The following NAA35 variants were observed in gnomAD, a reference collection of about 807,000 sequenced individuals.
NAA35 encodes MAK10 homolog, amino-acid N-acetyltransferase subunit.
Under a neutral mutation model 101.7 loss-of-function variants are expected in NAA35, and 18 were observed. The observed-to-expected ratio is 0.18, with a 90% CI of 0.12 to 0.26. The LOEUF is 0.26. Among genes scored for constraint, NAA35 ranks in the 10% least tolerant of loss-of-function variants. NAA35 has a pLI of 1.00. For synonymous variants in NAA35, 267 were observed against 273.1 expected (o/e 0.98, Z 0.22); for missense variants, 601 against 886.8 (o/e 0.68, Z 4.09).
At chr9:85,986,847 T>G (rs1830670551) in intron 11 of NAA35, 1 of 206,598 alleles carries the variant, frequency 4.8e-6, no homozygotes, top group African/African-American at 2.4e-5. Flanking sequence ...CTCCTTGGCC[T>G]TCCAAAGTGC....
intron 17 of NAA35, among the ~76,000 whole-genome samples, chr9:86,015,159 T>G (rs540468599): frequency 1.3e-5 from 2 of 152,212 alleles, no homozygotes; most frequent in African/African-American, 4.8e-5. Context: ...GATCAAAATA[T>G]TATTTTTATA....
At position 86,024,418 on chromosome 9, in the gene NAA35, C is replaced by G. The variant is rs1832693012; in HGVS notation, c.*2458C>G. ...CAGGTTAAAGATTTTGGACTTTATT[C>G]TGATATTGGTAGATTCTACTGAAGG... On this transcript the variant is annotated 3_prime_UTR_variant, in exon 23 of 23. Coordinates refer to ENST00000361671, the MANE Select transcript of NAA35 (RefSeq NM_024635.4). 1.3e-5 allele frequency among the ~76,000 whole-genome samples: 2 copies of G among 152,080 alleles called. No homozygotes were observed. The highest frequency in any genetic ancestry group is 4.8e-5 in the African/African-American group (2 of 41,394).
At chr9:85,944,236 CAG>C (rs1263610853) in intron 2 of NAA35, among the ~76,000 whole-genome samples, 2 of 152,148 alleles carry the variant, frequency 1.3e-5, no homozygotes, top group Non-Finnish European at 2.9e-5. Context: ...CTCTGGAAAA[CAG>C]AGCTTCTACT....
In NAA35 at chr9:86,023,061, T is replaced by C. The variant is rs1450001321; in HGVS notation, c.*1101T>C. On this transcript the variant is annotated 3_prime_UTR_variant, in exon 23 of 23. Coordinates refer to ENST00000361671, the MANE Select transcript of NAA35 (RefSeq NM_024635.4). The stretch of plus-strand genomic sequence containing the variant: ...TACCTTTCATAAAAACATGATAGTA[T>C]AGTGAAACTTTTCTGGCAGTACTTT... Among the ~76,000 whole-genome samples the C allele has an allele frequency of 6.6e-6, 1 of 152,180 alleles. No homozygotes were observed. Among genetic ancestry groups the C allele is most frequent in the African/African-American group, 2.4e-5 (1 of 41,452 alleles).
chr9:85,942,041 GC>G (rs897119611), intron 1 of NAA35, 113 bp from the exon 2 acceptor site: 2 of 1,460,406 alleles, frequency 1.4e-6, no homozygotes, highest in African/African-American at 2.8e-5. Flanking sequence ...GAAGAGTTCT[GC>G]TTTAAAGAGT....
chr9:86,010,635 C>T lies in NAA35; in HGVS notation c.1290+704C>T, dbSNP rs181592460. On this transcript the variant is annotated intron_variant, in intron 15 of 22. Transcript: ENST00000361671. ...TGTGGCCCAGGCGGGAGTGCAGTGG[C>T]GCAATCTTGGCTCACTGCAAGCTCC... Among the ~76,000 whole-genome samples the T allele has an allele frequency of 2.9e-3, 415 of 142,192 alleles. 6 individuals carry two copies. Among genetic ancestry groups the T allele is most frequent in the African/African-American group, 0.01 (386 of 37,764 alleles). 93.3% of individuals were successfully genotyped at this position (142,192 alleles called of 152,430 possible).
chr9:85,944,691 C>G (rs1180357569), intron 2 of NAA35, among the ~76,000 whole-genome samples: 4 of 152,162 alleles, frequency 2.6e-5, no homozygotes, highest in African/African-American at 9.7e-5. Flanking sequence ...TTGATAATTT[C>G]CTGTTTTATC....
At chr9:85,955,356 A>ATTTTTTTT (rs1397959906) in intron 2 of NAA35, among the ~76,000 whole-genome samples, 17 of 44,164 alleles carry the variant, frequency 3.8e-4, no homozygotes, top group East Asian at 4.2e-4. Flanking sequence ...ATATATATAT[A>ATTTTTTTT]TATATTTTTT....
In NAA35 at chr9:85,948,033, G is replaced by A. The variant is rs552520208; in HGVS notation, c.124+5750G>A. Among the ~76,000 whole-genome samples the A allele has an allele frequency of 8.5e-5, 13 of 152,220 alleles. No homozygotes were observed. The East Asian group carries it at 2.1e-3, about 25-fold the overall frequency. Reference sequence around the variant, plus strand: ...TTAGTTAATGAAAAAGGAGTTTCTAGAAGACACTGCGTTCCTCCTTTTAGC... The same window carrying A: ...TTAGTTAATGAAAAAGGAGTTTCTAAAAGACACTGCGTTCCTCCTTTTAGC... On this transcript the variant is annotated intron_variant, in intron 2 of 22. Coordinates refer to ENST00000361671, the MANE Select transcript of NAA35 (RefSeq NM_024635.4).
rs542462424 is a variant in NAA35, at chr9:85,958,774, C to T, written c.273+188C>T. Among the ~76,000 whole-genome samples the T allele has an allele frequency of 1.1e-3, 173 of 152,262 alleles. 1 individual carries two copies. Among genetic ancestry groups the T allele is most frequent in the African/African-American group, 4.0e-3 (168 of 41,566 alleles). ...TGAAAATTGAGGTCTTCATTAAAATCTTGCTCTAAATTTGTGCATTTGTGT... is the reference window on the plus strand; with the variant it reads ...TGAAAATTGAGGTCTTCATTAAAATTTTGCTCTAAATTTGTGCATTTGTGT... On this transcript the variant is annotated intron_variant, in intron 4 of 22. Coordinates refer to ENST00000361671, the MANE Select transcript of NAA35 (RefSeq NM_024635.4).
chr9:85,982,209 G>A (rs900868872), intron 11 of NAA35, among the ~76,000 whole-genome samples: 3 of 152,122 alleles, frequency 2.0e-5, no homozygotes, highest in Non-Finnish European at 2.9e-5. Context: ...TTTGGCCCTG[G>A]AAAATGGATA....
Position 85,972,248 on chromosome 9 carries a change from G to A in NAA35, c.517-2719G>A, listed in dbSNP as rs143971528. Among the ~76,000 whole-genome samples the A allele has an allele frequency of 5.2e-3, 789 of 152,144 alleles. 4 individuals are homozygous for A. The highest frequency in any genetic ancestry group is 0.018 in the African/African-American group (753 of 41,518). On this transcript the variant is annotated intron_variant, in intron 6 of 22. Coordinates refer to ENST00000361671, the MANE Select transcript of NAA35 (RefSeq NM_024635.4). ...AAGCTGGATGTGGTGGCTCACACCT[G>A]TAATCCCAGCACTTTGGGAGGCTGA...
At chr9:85,947,723 CAAAT>C (rs1828832257) in intron 2 of NAA35, among the ~76,000 whole-genome samples, 1 of 152,200 alleles carries the variant, frequency 6.6e-6, no homozygotes, top group African/African-American at 2.4e-5. Context: ...CCCCCACAAA[CAAAT>C]AATTATCCTC....
intron 21 of NAA35, among the ~76,000 whole-genome samples, chr9:86,020,587 T>C (rs1832482134): frequency 1.3e-5 from 2 of 152,248 alleles, no homozygotes; most frequent in South Asian, 4.1e-4. Context: ...CTCACGCCTA[T>C]AATCTCAACA....
chr9:86,003,480 C>A, intron 12 of NAA35, 105 bp from the exon 13 acceptor site: 1 of 541,268 alleles, frequency 1.8e-6, no homozygotes, highest in Non-Finnish European at 3.3e-6. Context: ...AACTCTGGTA[C>A]TATGTCATTT....
At chr9:85,968,787 A>G (rs1035937697) in intron 6 of NAA35, among the ~76,000 whole-genome samples, 3 of 152,174 alleles carry the variant, frequency 2.0e-5, no homozygotes, top group African/African-American at 7.2e-5. Flanking sequence ...CCAACTAGTA[A>G]TCTAAAAGCT....
chr9:85,964,828 A>G (rs1829675423), intron 6 of NAA35, among the ~76,000 whole-genome samples: 1 of 152,188 alleles, frequency 6.6e-6, no homozygotes, highest in African/African-American at 2.4e-5. Context: ...TGATCAATCC[A>G]TGAAGATTTT....
intron 11 of NAA35, among the ~76,000 whole-genome samples, chr9:85,985,136 A>G (rs1331087285): frequency 6.6e-6 from 1 of 152,234 alleles, no homozygotes; most frequent in Non-Finnish European, 1.5e-5. Flanking sequence ...CTTTAATAAA[A>G]AAGATAATAA....
chr9:85,945,509 A>G (rs1007950737), intron 2 of NAA35, among the ~76,000 whole-genome samples: 1 of 151,720 alleles, frequency 6.6e-6, no homozygotes, highest in African/African-American at 2.4e-5. Context: ...TAAGAATGTA[A>G]TGGCATTTGG....
Sources: gnomAD v4.1 joint callset for allele counts (sites outside exome capture counted in the v4.1 genomes callset) on GRCh38, gnomAD v4.1.1 for gene constraint, MANE v1.5 for transcripts, NCBI Gene and HGNC (gene_info 2026-07-23, HGNC 2026-07-21) for gene names.